ZBTB48: variants seen among roughly 807,000 people sequenced by gnomAD.
ZBTB48 encodes zinc finger and BTB domain-containing protein 48.
ZBTB48 carries 35 observed loss-of-function variants against 64.5 expected under a neutral mutation model. The ratio of observed to expected loss-of-function variants is 0.54; its 90% CI spans 0.41 to 0.72. ZBTB48 has a LOEUF of 0.72. ZBTB48 is among the 30% of genes least tolerant of loss of function. The pLI is 0.00. For synonymous variants in ZBTB48, 442 were observed against 356.7 expected (o/e 1.24, Z -2.70); for missense variants, 828 against 895.3 (o/e 0.92, Z 0.96).
intron 5 of ZBTB48, 98 bp from the exon 6 acceptor site, chr1:6,587,106 CG>C: frequency 7.7e-7 from 1 of 1,302,236 alleles, no homozygotes; most frequent in Non-Finnish European, 1.1e-6. Context: ...ATCATCTCAC[CG>C]GGGCCTCCCT....
rs779759513 is a variant in ZBTB48, at chr1:6,584,324, C to G, written c.933-1595C>G. 1.3e-5 allele frequency among the ~76,000 whole-genome samples: 2 copies of G among 152,272 alleles called. No homozygotes were observed. The highest frequency in any genetic ancestry group is 2.9e-5 in the Non-Finnish European group (2 of 68,052). Reference sequence around the variant, plus strand: ...ACCACGTGTCTCCTGGTGGCTGAATCGGGCAGTGCTGACATAGCACATTTC... The same window carrying G: ...ACCACGTGTCTCCTGGTGGCTGAATGGGGCAGTGCTGACATAGCACATTTC... On this transcript the variant is annotated intron_variant, in intron 3 of 10. Coordinates refer to ENST00000377674, the MANE Select transcript of ZBTB48 (RefSeq NM_005341.4). The surrounding 1 kb of genome is among the most constrained non-coding windows in gnomAD (Gnocchi z 4.5).
chr1:6,580,578 G>C lies in ZBTB48; in HGVS notation c.-32G>C. 2 of 1,587,882 alleles carry C rather than the reference G, an allele frequency of 1.3e-6. No homozygotes were observed. The highest frequency in any genetic ancestry group is 1.7e-6 in the Non-Finnish European group (2 of 1,164,278). ...GCATACCCTCGCTTAGGCTGGCCGG[G>C]GTGTCACTTCTGCCTCCCTGCCCTC... On this transcript the variant is annotated 5_prime_UTR_variant, in exon 2 of 11. Coordinates refer to ENST00000377674, the MANE Select transcript of ZBTB48 (RefSeq NM_005341.4). The surrounding 1 kb of genome is among the most constrained non-coding windows in gnomAD (Gnocchi z 5.2).
Position 6,587,437 on chromosome 1 carries a change from T to C in ZBTB48, c.1225-41T>C, listed in dbSNP as rs777856342. On this transcript the variant is annotated intron_variant, in intron 6 of 10. Transcript: ENST00000377674. ...AGGCAGCCCTTCCCTGCTCTCACCC[T>C]GGCCCTGGTCCCTCCCTCTGCCTGC... 23 of 1,612,580 alleles carry C rather than the reference T, an allele frequency of 1.4e-5. No individual in the cohort carries two copies. In the South Asian group the frequency reaches 2.5e-4, roughly 18 times the overall value.
Position 6,581,164 on chromosome 1 carries a change from C to G in ZBTB48, c.555C>G (p.Gly185=). 1 of 1,613,476 alleles carries G rather than the reference C, an allele frequency of 6.2e-7. No individual in the cohort carries two copies. The highest frequency in any genetic ancestry group is 8.5e-7 in the Non-Finnish European group (1 of 1,180,018). ...TCCATTCCCCAGCTCAGAGTGAGGG[C>G]CCCTCCTCCCTCTGTGGGAAACTGA... The part of the protein sequence containing the change: ...PQLHSPAQSE[G]PSSLCGKLKQ... The change falls in exon 2 of 11, where the codon GGC becomes GGG. Residue 185 remains glycine, a synonymous_variant. Transcript: ENST00000377674.
In ZBTB48 at chr1:6,585,900, C is replaced by T. The variant is rs1640645127; in HGVS notation, c.933-19C>T. ...GGAAACCCTCTCAGCCCCCCCACCC[C>T]TGTGGCTTCTCCTGGCAGGAAACAT... On this transcript the variant is annotated intron_variant, in intron 3 of 10. Transcript: ENST00000377674. 1 of 1,613,012 alleles carries T rather than the reference C, an allele frequency of 6.2e-7. No individual in the cohort carries two copies. Among genetic ancestry groups the T allele is most frequent in the African/African-American group, 1.3e-5 (1 of 75,032 alleles).
At chr1:6,588,228 C>T (rs1467138925) in intron 8 of ZBTB48, 32 bp downstream of exon 8, 2 of 1,613,002 alleles carry the variant, frequency 1.2e-6, no homozygotes, top group Non-Finnish European at 1.7e-6. Flanking sequence ...CCCTCGCCTC[C>T]CCATCCTGAG....
At chr1:6,586,601 TCTTCCCAGCAG>T in intron 4 of ZBTB48, 83 bp from the exon 5 acceptor site, 2 of 1,100,934 alleles carry the variant, frequency 1.8e-6, no homozygotes, top group Non-Finnish European at 2.4e-6. Context: ...CCAGGCAGAC[TCTTCCCAGCAG>T]CAAGCGGAAG....
intron 10 of ZBTB48, 25 bp from the exon 11 acceptor site, chr1:6,588,891 G>A (rs1640776900): frequency 6.2e-7 from 1 of 1,613,726 alleles, no homozygotes; most frequent in Non-Finnish European, 8.5e-7. Flanking sequence ...ATCCCCCAAA[G>A]TTCTGAGCTC....
intron 3 of ZBTB48, among the ~76,000 whole-genome samples, chr1:6,583,217 C>T (rs973687989): frequency 8.0e-5 from 12 of 150,458 alleles, no homozygotes; most frequent in Non-Finnish European, 1.6e-4. Flanking sequence ...TCTCAATCTC[C>T]TGACCTTGTG....
At position 6,582,260 on chromosome 1, in the gene ZBTB48, A is replaced by C; in HGVS notation, c.893A>C (p.Lys298Thr). 6.2e-7 allele frequency: 1 copy of C among 1,613,072 alleles called. No homozygotes were observed. The highest frequency in any genetic ancestry group is 8.5e-7 in the Non-Finnish European group (1 of 1,179,132). The change falls in exon 3 of 11, where the codon AAA becomes ACA. Residue 298 changes from lysine to threonine, a missense_variant. Coordinates refer to ENST00000377674, the MANE Select transcript of ZBTB48 (RefSeq NM_005341.4). ...AVPVECPTCHKKFLSKYYLKV... is the reference protein window; with the variant it reads ...AVPVECPTCHTKFLSKYYLKV... ...CCGGTCGAATGCCCCACATGTCATA[A>C]AAAGTTCCTCAGCAAATATTATCTA...
chr1:6,581,907 T>G, intron 2 of ZBTB48, 151 bp from the exon 3 acceptor site: 9 of 1,201,014 alleles, frequency 7.5e-6, no homozygotes, highest in Non-Finnish European at 9.4e-6. Flanking sequence ...AATCCAAGAT[T>G]CAGATGCTCT....
intron 3 of ZBTB48, among the ~76,000 whole-genome samples, chr1:6,583,470 T>C (rs561562407): frequency 3.0e-4 from 45 of 147,676 alleles, no homozygotes; most frequent in Non-Finnish European, 5.5e-4. Flanking sequence ...CTGGCTAATA[T>C]TTGTATTTTT....
chr1:6,588,613 G>C (rs1462128285), intron 9 of ZBTB48, 143 bp from the exon 10 acceptor site: 1 of 1,444,192 alleles, frequency 6.9e-7, no homozygotes, highest in African/African-American at 1.4e-5. Context: ...GACCCTGGGT[G>C]GCACTGGAGA....
Position 6,581,283 on chromosome 1 carries a change from A to C in ZBTB48, c.674A>C (p.Gln225Pro). The change falls in exon 2 of 11, where the codon CAG (glutamine) becomes CCG (proline). Residue 225 changes from glutamine to proline, a missense_variant. Gln to Pro is a moderately conservative substitution (Grantham distance 76). Transcript: ENST00000377674. ...RPLEAEGAQL[Q>P]GGSNEWEVVV... ...TTAGAGGCTGAAGGTGCCCAGCTGC[A>C]GGGCGGCAGTAATGAGGTACTGTGC... 6.2e-7 allele frequency: 1 copy of C among 1,603,840 alleles called. No homozygotes were observed. The highest frequency in any genetic ancestry group is 8.5e-7 in the Non-Finnish European group (1 of 1,175,616).
chr1:6,588,403 C>T lies in ZBTB48; in HGVS notation c.1642C>T (p.Arg548Trp), dbSNP rs776021818. Residue 548 changes from arginine to tryptophan, a missense_variant, in exon 9 of 11, where the codon CGG (arginine) becomes TGG (tryptophan). Physicochemically the swap from Arg to Trp is moderately radical, Grantham distance 101 (BLOSUM62 -3). Coordinates refer to ENST00000377674, the MANE Select transcript of ZBTB48 (RefSeq NM_005341.4). ...RHVASRHQEG[R>W]PHFCQICGKT... ...CGTGGCCAGCCGCCATCAGGAGGGC[C>T]GGCCCCACTTCTGCCAGATATGCGG... 2.0e-5 allele frequency: 31 copies of T among 1,573,760 alleles called. No homozygotes were observed. Among genetic ancestry groups the T allele is most frequent in the Middle Eastern group, 3.4e-4 (2 of 5,910 alleles).
At position 6,587,303 on chromosome 1, in the gene ZBTB48, G is replaced by A; in HGVS notation, c.1224+12G>A. ...CCAAGCCCCATGCAGTAAGTGACAG[G>A]GAGGGCTGGGCATGCTTTGATGCTG... is the stretch of plus-strand genomic sequence containing the variant. On this transcript the variant is annotated intron_variant, in intron 6 of 10. Coordinates refer to ENST00000377674, the MANE Select transcript of ZBTB48 (RefSeq NM_005341.4). 6.2e-7 allele frequency: 1 copy of A among 1,614,034 alleles called. No individual in the cohort carries two copies.
In ZBTB48 at chr1:6,581,081, G is replaced by A. The variant is rs1253258643; in HGVS notation, c.472G>A (p.Gly158Ser). The A allele has an allele frequency of 6.2e-7, 1 of 1,612,972 alleles. No individual in the cohort carries two copies. Among genetic ancestry groups the A allele is most frequent in the Non-Finnish European group, 8.5e-7 (1 of 1,179,938 alleles). The change falls in exon 2 of 11, where the codon GGT (glycine) becomes AGT (serine). Residue 158 changes from glycine to serine, a missense_variant. Transcript: ENST00000377674. ...LEEEEVSRTL[G>S]LVPRDQEPRG... is the part of the protein sequence containing the mutation. The stretch of plus-strand genomic sequence containing the variant: ...AGAAGAGGAAGTTTCGAGGACTCTG[G>A]GTCTAGTCCCCAGGGATCAGGAGCC...
chr1:6,587,028 C>T (rs751521280), intron 5 of ZBTB48, 177 bp from the exon 6 acceptor site: 5 of 871,464 alleles, frequency 5.7e-6, no homozygotes, highest in Non-Finnish European at 9.5e-6. Flanking sequence ...TTGGCATCCT[C>T]TGGGCAGCTG....
rs572567992 is a variant in ZBTB48, at chr1:6,589,194, C to T, written c.2049C>T (p.Pro683=). ...EPSLIITAAV[P]EDCDT Reference sequence around the variant, plus strand: ...CCCTCATCATCACAGCTGCTGTCCCCGAGGACTGTGACACATAGCCCATTC... The same window carrying T: ...CCCTCATCATCACAGCTGCTGTCCCTGAGGACTGTGACACATAGCCCATTC... The change falls in exon 11 of 11, where the codon CCC becomes CCT. Residue 683 remains proline (P), a synonymous_variant. Coordinates refer to ENST00000377674, the MANE Select transcript of ZBTB48 (RefSeq NM_005341.4). The T allele has an allele frequency of 7.4e-5, 113 of 1,523,794 alleles. No individual in the cohort carries two copies. Among genetic ancestry groups the T allele is most frequent in the South Asian group, 1.3e-4 (10 of 77,086 alleles). 94.4% of individuals were successfully genotyped at this position (1,523,794 alleles called of 1,614,324 possible).
Sources: gnomAD v4.1 joint callset for allele counts (sites outside exome capture counted in the v4.1 genomes callset) on GRCh38, gnomAD v4.1.1 for gene constraint, Gnocchi (gnomAD v3.1) non-coding constraint, MANE v1.5 for transcripts, NCBI Gene and HGNC (gene_info 2026-07-23, HGNC 2026-07-21) for gene names.